The following SRRM4 variants were observed in gnomAD, a reference collection of about 807,000 sequenced individuals.
SRRM4 encodes the protein serine/arginine repetitive matrix 4, also known as serine/arginine repetitive matrix protein 4.
In SRRM4, 33 loss-of-function variants were observed where a neutral mutation model predicts 68.9. The ratio of observed to expected loss-of-function variants is 0.48; its 90% CI spans 0.36 to 0.64. The LOEUF is 0.64. Among genes scored for constraint, SRRM4 ranks in the 30% least tolerant of loss-of-function variants. SRRM4 has a pLI of 0.00. For synonymous variants in SRRM4, 318 were observed against 318.8 expected, an observed-to-expected ratio of 1.00 and a Z score of 0.03; for missense variants, 817 against 827.1, an observed-to-expected ratio of 0.99 and a Z score of 0.15.
intron 1 of SRRM4, among the ~76,000 whole-genome samples, chr12:119,101,074 C>T (rs1054033426): frequency 5.3e-5 from 8 of 152,160 alleles, no homozygotes; most frequent in Non-Finnish European, 1.0e-4. Context: ...GAGCAGGGGG[C>T]TTATCAGATG....
intron 8 of SRRM4, among the ~76,000 whole-genome samples, chr12:119,131,218 GCTTTTACATGAAGTCTGCAT>G (rs1399683775): frequency 3.3e-5 from 5 of 152,330 alleles, no homozygotes; most frequent in African/African-American, 1.2e-4. Flanking sequence ...AGGCACTCCA[GCTTTTACATGAAGTCTGCAT>G]CTTTTATGCC....
chr12:119,128,915 C>T (rs979532765), intron 7 of SRRM4, among the ~76,000 whole-genome samples: 2 of 152,210 alleles, frequency 1.3e-5, no homozygotes, highest in African/African-American at 4.8e-5. Flanking sequence ...ATCTGAGCTC[C>T]CAGTGCCTAC....
intron 8 of SRRM4, among the ~76,000 whole-genome samples, chr12:119,135,425 A>T (rs1954322126): frequency 6.6e-6 from 1 of 152,218 alleles, no homozygotes; most frequent in African/African-American, 2.4e-5. Flanking sequence ...GAAACCAAAA[A>T]CAATAATAAT....
chr12:118,998,320 T>C (rs1014302357), intron 1 of SRRM4, among the ~76,000 whole-genome samples: 2 of 128,536 alleles, frequency 1.6e-5, no homozygotes, highest in East Asian at 5.0e-4. Flanking sequence ...TGTCAACATC[T>C]CTAACCAATT....
At position 119,151,154 on chromosome 12, in the gene SRRM4, C is replaced by T. The variant is rs755563104; in HGVS notation, c.1214C>T (p.Ser405Phe). Residue 405 changes from serine (S) to phenylalanine (F), a missense_variant, in exon 10 of 13, where the codon TCC (serine) becomes TTC (phenylalanine). Ser to Phe is a radical substitution (Grantham distance 155). Transcript: ENST00000267260. ...AGCACCCGATCCTCCAGTCACTCGT[C>T]CCGATCCCCAAATCCCAGGGCTTCC... ...YASTRSSSHS[S>F]RSPNPRASPR... is the part of the protein sequence containing the mutation. 2 of 1,613,996 alleles carry T rather than the reference C, an allele frequency of 1.2e-6. No homozygotes were observed. The highest frequency in any genetic ancestry group is 1.7e-6 in the Non-Finnish European group (2 of 1,179,878).
In SRRM4 at chr12:119,084,131, T is replaced by C. The variant is rs1051564653; in HGVS notation, c.132-18105T>C. The stretch of plus-strand genomic sequence containing the variant: ...GGAAATTCATTTGCCTGAGATCACA[T>C]AGCAAGTCTGTGGCACAGCTGGAAT... On this transcript the variant is annotated intron_variant, in intron 1 of 12. Transcript: ENST00000267260. 4.6e-5 allele frequency among the ~76,000 whole-genome samples: 7 copies of C among 152,296 alleles called. No homozygotes were observed. The East Asian group carries it at 9.6e-4, about 21-fold the overall frequency.
At chr12:119,070,201 T>C (rs1026790132) in intron 1 of SRRM4, among the ~76,000 whole-genome samples, 2 of 135,474 alleles carry the variant, frequency 1.5e-5, no homozygotes, top group Non-Finnish European at 3.1e-5. Flanking sequence ...TTCCAGAAGC[T>C]TCTTCACACA....
intron 1 of SRRM4, among the ~76,000 whole-genome samples, chr12:118,982,232 G>A (rs1171864810): frequency 6.6e-6 from 1 of 152,156 alleles, no homozygotes; most frequent in Non-Finnish European, 1.5e-5. Flanking sequence ...AACGCTTATT[G>A]GACCCCCGTA....
chr12:119,136,470 G>GTTTGT (rs375418674), intron 8 of SRRM4, among the ~76,000 whole-genome samples: 39 of 152,020 alleles, frequency 2.6e-4, no homozygotes, highest in South Asian at 6.2e-4. Context: ...ATTGGTTTTT[G>GTTTGT]TTTGTTTTGT....
At chr12:119,153,404 G>C (rs1174075234) in intron 10 of SRRM4, 135 bp from the exon 11 acceptor site, 1 of 610,418 alleles carries the variant, frequency 1.6e-6, no homozygotes, top group Non-Finnish European at 2.9e-6. Context: ...CTTTGATCGG[G>C]GCCCAGTTCC....
intron 1 of SRRM4, among the ~76,000 whole-genome samples, chr12:119,074,963 A>T (rs551158809): frequency 1.3e-5 from 2 of 152,270 alleles, no homozygotes; most frequent in South Asian, 4.2e-4. Context: ...GGAAGAGAAA[A>T]TCTATGAGGC....
At chr12:119,074,505 C>G (rs1240683258) in intron 1 of SRRM4, among the ~76,000 whole-genome samples, 1 of 152,168 alleles carries the variant, frequency 6.6e-6, no homozygotes, top group Non-Finnish European at 1.5e-5. Flanking sequence ...AGTATATGAC[C>G]TGTACCCAGT....
chr12:119,145,449 A>G lies in SRRM4; in HGVS notation c.840A>G (p.Gly280=). ...KTASPLTTSR[G]RSQEYDSGND... ...CCAGCCCGCTCACCACCTCGCGAGGACGTTCCCAGGAGTACGACTCAGGAA... is the reference window on the plus strand; with the variant it reads ...CCAGCCCGCTCACCACCTCGCGAGGGCGTTCCCAGGAGTACGACTCAGGAA... Residue 280 remains glycine, a synonymous_variant, in exon 9 of 13, where the codon GGA becomes GGG. Coordinates refer to ENST00000267260, the MANE Select transcript of SRRM4 (RefSeq NM_194286.4). 1.2e-6 allele frequency: 2 copies of G among 1,608,354 alleles called. No individual in the cohort carries two copies. Among genetic ancestry groups the G allele is most frequent in the Non-Finnish European group, 1.7e-6 (2 of 1,177,538 alleles).
chr12:119,056,603 T>C, intron 1 of SRRM4, among the ~76,000 whole-genome samples: 1 of 152,160 alleles, frequency 6.6e-6, no homozygotes, highest in Admixed American at 6.5e-5. Context: ...CTTTCTCACC[T>C]CTTTTCAGTT....
Position 119,154,514 on chromosome 12 carries a change from C to G in SRRM4, c.1532+131C>G. 1 of 977,468 alleles carries G rather than the reference C, an allele frequency of 1.0e-6. No homozygotes were observed. The highest frequency in any genetic ancestry group is 1.5e-6 in the Non-Finnish European group (1 of 663,432). The allele number at this position is 977,468 out of a possible 1,614,324, so 60.5% of individuals were successfully genotyped here. ...AGGATTGTGCGAGCTTATGGTCCCC[C>G]CAACCCCAACATCATTGAAATTACG... On this transcript the variant is annotated intron_variant, in intron 12 of 12. Transcript: ENST00000267260. The surrounding 1 kb of genome is among the most constrained non-coding windows in gnomAD (Gnocchi z 4.7).
chr12:119,081,114 A>G (rs1197911909), intron 1 of SRRM4, among the ~76,000 whole-genome samples: 2 of 152,234 alleles, frequency 1.3e-5, no homozygotes, highest in African/African-American at 2.4e-5. Flanking sequence ...CTGTGAATGA[A>G]ACAGACCAAA....
Position 119,062,657 on chromosome 12 carries a change from GAC to G in SRRM4, c.132-39575_132-39574del, listed in dbSNP as rs535964777. ...ACTTTCAAACTGTCTTAAAAACTAA[GAC>G]ACAAACACACACTTTAGCCTAAGGT... is the stretch of plus-strand genomic sequence containing the variant. On this transcript the variant is annotated intron_variant, in intron 1 of 12. Transcript: ENST00000267260. Among the ~76,000 whole-genome samples the G allele has an allele frequency of 6.6e-3, 1,008 of 152,220 alleles. 9 individuals carry two copies. The highest frequency in any genetic ancestry group is 0.01 in the Non-Finnish European group (681 of 68,010).
chr12:119,097,716 C>A (rs1954054243), intron 1 of SRRM4, among the ~76,000 whole-genome samples: 2 of 152,190 alleles, frequency 1.3e-5, no homozygotes, highest in South Asian at 2.1e-4. Context: ...TGATTCCTGA[C>A]CCCTGTTGCT....
At chr12:119,037,943 G>A (rs1398521384) in intron 1 of SRRM4, among the ~76,000 whole-genome samples, 1 of 152,222 alleles carries the variant, frequency 6.6e-6, no homozygotes, top group Admixed American at 6.5e-5. Flanking sequence ...GGTCAATGAA[G>A]TATGATGGTG....
Sources: gnomAD v4.1 joint callset for allele counts (sites outside exome capture counted in the v4.1 genomes callset) on GRCh38, gnomAD v4.1.1 for gene constraint, Gnocchi (gnomAD v3.1) non-coding constraint, MANE v1.5 for transcripts, NCBI Gene and HGNC (gene_info 2026-07-23, HGNC 2026-07-21) for gene names.